Variants in ARFGEF1 observed in about 807,000 individuals in gnomAD.
ARFGEF1 encodes the protein brefeldin A-inhibited guanine nucleotide-exchange protein 1.
A neutral mutation model predicts 231.0 loss-of-function variants in ARFGEF1; 42 were observed. That is an observed-to-expected ratio of 0.18 (90% CI 0.14 to 0.24). ARFGEF1 has a LOEUF of 0.24. Ranked by LOEUF, ARFGEF1 falls within the 10% of genes least tolerant of loss-of-function variation. ARFGEF1 has a pLI of 1.00. For missense variants in ARFGEF1, 1,345 were observed against 2,192.0 expected, an observed-to-expected ratio of 0.61 and a Z score of 7.72; for synonymous variants, 710 against 732.3, an observed-to-expected ratio of 0.97 and a Z score of 0.49.
At chr8:67,228,306 T>G (rs878947361) in intron 23 of ARFGEF1, 42 bp from the exon 24 acceptor site, 1 of 1,563,920 alleles carries the variant, frequency 6.4e-7, no homozygotes, top group Non-Finnish European at 8.8e-7. Context: ...TATAAGTTAC[T>G]GTTCTTATTC....
At chr8:67,307,267 A>G (rs1806792131) in intron 1 of ARFGEF1, among the ~76,000 whole-genome samples, 1 of 152,206 alleles carries the variant, frequency 6.6e-6, no homozygotes, top group African/African-American at 2.4e-5. Flanking sequence ...ATAAACTCAC[A>G]AAGGAAAATC....
At chr8:67,301,749 TTTAG>T (rs1318089729) in intron 2 of ARFGEF1, among the ~76,000 whole-genome samples, 3 of 152,214 alleles carry the variant, frequency 2.0e-5, no homozygotes, top group African/African-American at 4.8e-5. Flanking sequence ...AGTGAGTTTT[TTTAG>T]TTATTCAATA....
chr8:67,258,849 A>ACACACACACACACC (rs904193567), intron 15 of ARFGEF1, among the ~76,000 whole-genome samples: 3 of 151,946 alleles, frequency 2.0e-5, no homozygotes, highest in African/African-American at 7.3e-5. Context: ...ACACACACAC[A>ACACACACACACACC]CACACCAGTC....
intron 1 of ARFGEF1, among the ~76,000 whole-genome samples, chr8:67,302,909 A>T (rs1438774582): frequency 2.8e-5 from 2 of 70,868 alleles, no homozygotes; most frequent in Admixed American, 1.4e-4. Flanking sequence ...CATCTCTTAA[A>T]AAAAAAAAAA....
chr8:67,308,031 A>C (rs1373686103), intron 1 of ARFGEF1, among the ~76,000 whole-genome samples: 1 of 152,198 alleles, frequency 6.6e-6, no homozygotes, highest in South Asian at 2.1e-4. Context: ...GGCTACAAAA[A>C]ATAGTTCCGT....
At chr8:67,278,228 G>A (rs1182811936) in intron 7 of ARFGEF1, among the ~76,000 whole-genome samples, 2 of 152,076 alleles carry the variant, frequency 1.3e-5, no homozygotes, top group Non-Finnish European at 2.9e-5. Flanking sequence ...GTACTATAAG[G>A]AACATAGATT....
chr8:67,234,842 G>A (rs964077845), intron 22 of ARFGEF1, among the ~76,000 whole-genome samples: 2 of 151,974 alleles, frequency 1.3e-5, no homozygotes, highest in African/African-American at 2.4e-5. Flanking sequence ...TATAATACAA[G>A]TGAACAAGAA....
chr8:67,325,243 G>C (rs1016434873), intron 1 of ARFGEF1, among the ~76,000 whole-genome samples: 14 of 148,326 alleles, frequency 9.4e-5, no homozygotes, highest in Non-Finnish European at 1.6e-4. Flanking sequence ...TTTTTTAACA[G>C]AAAATGGCTA....
intron 1 of ARFGEF1, among the ~76,000 whole-genome samples, chr8:67,319,023 A>T (rs1807455910): frequency 6.6e-6 from 1 of 152,244 alleles, no homozygotes; most frequent in African/African-American, 2.4e-5. Flanking sequence ...AAAATTCTTA[A>T]GTATGAACTT....
At chr8:67,276,225 G>C (rs887659048) in intron 8 of ARFGEF1, 116 bp from the exon 9 acceptor site, 3 of 1,157,438 alleles carry the variant, frequency 2.6e-6, no homozygotes, top group Non-Finnish European at 3.7e-6. Context: ...CCCACTGTTG[G>C]AAGGGGAACC....
chr8:67,284,615 T>A (rs963183926), intron 7 of ARFGEF1, among the ~76,000 whole-genome samples: 4 of 152,168 alleles, frequency 2.6e-5, no homozygotes, highest in African/African-American at 9.7e-5. Flanking sequence ...TTGTTGGGGA[T>A]CTGGGTTTTC....
chr8:67,192,078 G>T (rs28860294), intron 5 of ARFGEF1, among the ~76,000 whole-genome samples: 3,078 of 127,312 alleles, frequency 0.024, 80 homozygotes, highest in African/African-American at 0.083. Flanking sequence ...TTTTTTTTTT[G>T]TTTTTTTTTT....
At position 67,287,293 on chromosome 8, in the gene ARFGEF1, T is replaced by A. The variant is rs574799926; in HGVS notation, c.1027+662A>T. 4.6e-5 allele frequency among the ~76,000 whole-genome samples: 7 copies of A among 152,298 alleles called. No homozygotes were observed. The South Asian group carries it at 1.4e-3, about 32-fold the overall frequency. On this transcript the variant is annotated intron_variant, in intron 7 of 38. Transcript: ENST00000262215. ...ACATAACAGCCCCCAGTAAAAACCT[T>A]GGGACCTGAGTCTCTAATGAGCTTC...
intron 7 of ARFGEF1, among the ~76,000 whole-genome samples, chr8:67,281,668 T>A (rs1002191250): frequency 3.3e-5 from 5 of 151,990 alleles, no homozygotes; most frequent in Non-Finnish European, 5.9e-5. Context: ...GATAAAAATA[T>A]CATTATTCAC....
intron 6 of ARFGEF1, among the ~76,000 whole-genome samples, chr8:67,291,614 A>G (rs886884435): frequency 6.6e-6 from 1 of 152,174 alleles, no homozygotes; most frequent in Non-Finnish European, 1.5e-5. Context: ...AAGGAAATCT[A>G]TAAATCATAC....
At position 67,343,453 on chromosome 8, in the gene ARFGEF1, C is replaced by G; in HGVS notation, c.-166G>C. On this transcript the variant is annotated 5_prime_UTR_variant, in exon 1 of 39. Coordinates refer to ENST00000262215, the MANE Select transcript of ARFGEF1 (RefSeq NM_006421.5). ...ATCAGGAAGGGGCGGGCGAGCGGGA[C>G]CAGCCGCGGTGTCGGCGAAGGGCGT... 1 of 1,359,372 alleles carries G rather than the reference C, an allele frequency of 7.4e-7. No homozygotes were observed. The highest frequency in any genetic ancestry group is 2.7e-5 in the East Asian group (1 of 37,450). The allele number at this position is 1,359,372 out of a possible 1,614,324, so 84.2% of individuals were successfully genotyped here. A position where few individuals can be genotyped will look rare whatever the true frequency, so the allele number is the denominator to read the frequency against.
At chr8:67,275,864 T>A in intron 9 of ARFGEF1, 112 bp downstream of exon 9, 1 of 1,380,230 alleles carries the variant, frequency 7.2e-7, no homozygotes, top group Non-Finnish European at 9.7e-7. Context: ...ACCCAATTTT[T>A]TTTTATGGTT....
At chr8:67,221,024 A>C (rs955029696) in intron 29 of ARFGEF1, among the ~76,000 whole-genome samples, 1 of 151,972 alleles carries the variant, frequency 6.6e-6, no homozygotes, top group African/African-American at 2.4e-5. Context: ...CTAAGATTAT[A>C]ATAGAGCTAT....
chr8:67,317,715 A>G (rs1807386921), intron 1 of ARFGEF1, among the ~76,000 whole-genome samples: 1 of 150,738 alleles, frequency 6.6e-6, no homozygotes. Context: ...GTTCGAGACC[A>G]GCCCAACATG....
Sources: allele counts gnomAD v4.1 joint callset (sites outside exome capture counted in the v4.1 genomes callset), GRCh38; gene constraint gnomAD v4.1.1; transcripts MANE v1.5; gene names NCBI Gene and HGNC (gene_info 2026-07-23, HGNC 2026-07-21).